Variants in PPM1E observed in about 807,000 individuals in gnomAD.
PPM1E encodes the protein protein phosphatase, Mg2+/Mn2+ dependent 1E.
Under a neutral mutation model 65.9 loss-of-function variants are expected in PPM1E, and 20 were observed. The ratio of observed to expected loss-of-function variants is 0.30; its 90% CI spans 0.21 to 0.44. The LOEUF (loss-of-function observed/expected upper bound fraction) is 0.44, where lower values mean the gene tolerates loss of function less well. PPM1E is among the 20% of genes least tolerant of loss of function. The probability of loss-of-function intolerance (pLI) is 1.00; values close to 1 mark genes in which losing one functional copy is unlikely to be tolerated. For synonymous variants in PPM1E, 352 were observed against 374.9 expected (o/e 0.94, Z 0.70); for missense variants, 713 against 953.1 (o/e 0.75, Z 3.32).
intron 1 of PPM1E, among the ~76,000 whole-genome samples, chr17:58,884,874 CAA>C (rs200691630): frequency 0.068 from 10,267 of 152,026 alleles, 821 homozygotes; most frequent in African/African-American, 0.2. Flanking sequence ...TATTCATTAT[CAA>C]TATTATCTTC....
At chr17:58,855,278 G>T (rs2050870181) in intron 1 of PPM1E, among the ~76,000 whole-genome samples, 1 of 152,146 alleles carries the variant, frequency 6.6e-6, no homozygotes, top group Non-Finnish European at 1.5e-5. Flanking sequence ...GGTTTTGTTA[G>T]AGCCTAACTG....
intron 1 of PPM1E, among the ~76,000 whole-genome samples, chr17:58,821,622 TAATAG>T (rs1324620243): frequency 6.6e-6 from 1 of 152,148 alleles, no homozygotes. Context: ...TTGCCCGATA[TAATAG>T]AAAGAATTCC....
intron 1 of PPM1E, among the ~76,000 whole-genome samples, chr17:58,811,868 A>G (rs1337521791): frequency 6.6e-6 from 1 of 151,908 alleles, no homozygotes; most frequent in Non-Finnish European, 1.5e-5. Flanking sequence ...ACAGGGTTTC[A>G]CCATGTTGAT....
At chr17:58,821,312 G>T (rs527376396) in intron 1 of PPM1E, among the ~76,000 whole-genome samples, 2 of 152,144 alleles carry the variant, frequency 1.3e-5, no homozygotes, top group Admixed American at 6.6e-5. Context: ...GGGTTTCACC[G>T]TGTTAGCCAG....
At position 58,956,780 on chromosome 17, in the gene PPM1E, C is replaced by T. The variant is rs1006855452; in HGVS notation, c.583+1013C>T. Among the ~76,000 whole-genome samples, 7 of 152,176 alleles carry T rather than the reference C, an allele frequency of 4.6e-5. No individual in the cohort carries two copies. The South Asian group carries it at 8.3e-4, about 18-fold the overall frequency. On this transcript the variant is annotated intron_variant, in intron 2 of 6. Coordinates refer to ENST00000308249, the MANE Select transcript of PPM1E (RefSeq NM_014906.5). ...TGTTAAGAAATTTTAATATTTCATA[C>T]GGTTTGTTCTATTTAAAGCATTTGC...
chr17:58,979,019 A>G (rs1263132336), intron 6 of PPM1E, among the ~76,000 whole-genome samples: 1 of 152,074 alleles, frequency 6.6e-6, no homozygotes, highest in Non-Finnish European at 1.5e-5. Flanking sequence ...CTGTTCCCTC[A>G]ATTGAGGCAA....
intron 1 of PPM1E, among the ~76,000 whole-genome samples, chr17:58,789,711 C>CA (rs1210905498): frequency 6.9e-6 from 1 of 144,890 alleles, no homozygotes; most frequent in African/African-American, 2.6e-5. Context: ...ATCCTTTGCA[C>CA]ATATATATGG....
intron 1 of PPM1E, among the ~76,000 whole-genome samples, chr17:58,885,477 A>G (rs1224114139): frequency 1.3e-5 from 2 of 152,200 alleles, no homozygotes; most frequent in Non-Finnish European, 2.9e-5. Flanking sequence ...TTTTAAATTG[A>G]TTAAAAGCTC....
intron 1 of PPM1E, among the ~76,000 whole-genome samples, chr17:58,872,203 A>G (rs1567859824): frequency 6.6e-6 from 1 of 152,176 alleles, no homozygotes; most frequent in Non-Finnish European, 1.5e-5. Context: ...AGGCTGAGAC[A>G]GGAGAATTGC....
At chr17:58,761,168 CA>C (rs1305891751) in intron 1 of PPM1E, among the ~76,000 whole-genome samples, 1 of 152,152 alleles carries the variant, frequency 6.6e-6, no homozygotes, top group African/African-American at 2.4e-5. Context: ...GCAGAGTTTT[CA>C]TTGAGATTTA....
intron 1 of PPM1E, among the ~76,000 whole-genome samples, chr17:58,801,015 G>A (rs1207526577): frequency 6.6e-6 from 1 of 151,814 alleles, no homozygotes; most frequent in East Asian, 1.9e-4. Flanking sequence ...TTCTGCTGGG[G>A]TCAGAGAACA....
chr17:58,830,595 T>G (rs1423685766), intron 1 of PPM1E, among the ~76,000 whole-genome samples: 1 of 152,016 alleles, frequency 6.6e-6, no homozygotes, highest in East Asian at 1.9e-4. Context: ...TGTGAACCAC[T>G]GCGCCCAGCC....
At chr17:58,859,377 A>C (rs1196700412) in intron 1 of PPM1E, among the ~76,000 whole-genome samples, 2 of 152,228 alleles carry the variant, frequency 1.3e-5, no homozygotes, top group African/African-American at 4.8e-5. Flanking sequence ...TTAAAGTTAC[A>C]ACAGCTTTAA....
chr17:58,903,452 A>G (rs2051520601), intron 1 of PPM1E, among the ~76,000 whole-genome samples: 1 of 152,214 alleles, frequency 6.6e-6, no homozygotes. Context: ...AGCTTCCAGA[A>G]AATGAAAGTT....
At chr17:58,978,237 T>C (rs2031140457) in intron 6 of PPM1E, among the ~76,000 whole-genome samples, 1 of 152,214 alleles carries the variant, frequency 6.6e-6, no homozygotes, top group Non-Finnish European at 1.5e-5. Context: ...AGTCTGACAC[T>C]AGTGCTGGTG....
chr17:58,883,554 G>T (rs1416611661), intron 1 of PPM1E, among the ~76,000 whole-genome samples: 1 of 147,142 alleles, frequency 6.8e-6, no homozygotes, highest in African/African-American at 2.5e-5. Context: ...CGCGATCTCG[G>T]CTCACTGCAA....
At chr17:58,832,845 C>T (rs34680246) in intron 1 of PPM1E, among the ~76,000 whole-genome samples, 3 of 148,606 alleles carry the variant, frequency 2.0e-5, no homozygotes, top group Non-Finnish European at 4.5e-5. Flanking sequence ...GATGGAGCCT[C>T]GCTCTGTTAC....
Position 58,983,389 on chromosome 17 carries a change from T to C in PPM1E, c.*2358T>C, listed in dbSNP as rs773357361. ...TAAAATAGTGGTTATTGGTCTGATATATGCTGCTCTTGGTTCTATAAACTA... is the reference window on the plus strand; with the variant it reads ...TAAAATAGTGGTTATTGGTCTGATACATGCTGCTCTTGGTTCTATAAACTA... On this transcript the variant is annotated 3_prime_UTR_variant, in exon 7 of 7. Transcript: ENST00000308249. The C allele has an allele frequency of 4.6e-4, 71 of 154,114 alleles. No individual in the cohort carries two copies. Among genetic ancestry groups the C allele is most frequent in the Non-Finnish European group, 7.7e-4 (53 of 68,934 alleles). 9.5% of individuals were successfully genotyped at this position (154,114 alleles called of 1,614,324 possible).
At chr17:58,924,872 C>A (rs1213529757) in intron 1 of PPM1E, among the ~76,000 whole-genome samples, 1 of 151,970 alleles carries the variant, frequency 6.6e-6, no homozygotes, top group Non-Finnish European at 1.5e-5. Context: ...ATGATGGTGT[C>A]CAGCTTCATC....
Sources: allele counts gnomAD v4.1 joint callset (sites outside exome capture counted in the v4.1 genomes callset), GRCh38; gene constraint gnomAD v4.1.1; transcripts MANE v1.5; gene names NCBI Gene and HGNC (gene_info 2026-07-23, HGNC 2026-07-21).